Variants in ARID2 observed in about 807,000 individuals in gnomAD.
ARID2 encodes AT-rich interaction domain 2.
In ARID2, 32 loss-of-function variants were observed where a neutral mutation model predicts 184.6. The observed-to-expected ratio is 0.17, with a 90% CI of 0.13 to 0.23. ARID2 has a LOEUF of 0.23. ARID2 is among the 10% of genes least tolerant of loss of function. The probability of loss-of-function intolerance (pLI) is 1.00; values close to 1 mark genes in which losing one functional copy is unlikely to be tolerated. For missense variants in ARID2, 1,696 were observed against 2,197.6 expected, an observed-to-expected ratio of 0.77 and a Z score of 4.56; for synonymous variants, 836 against 772.6, an observed-to-expected ratio of 1.08 and a Z score of -1.36.
chr12:45,859,437 A>G (rs1216885065), intron 15 of ARID2, among the ~76,000 whole-genome samples: 1 of 152,230 alleles, frequency 6.6e-6, no homozygotes, highest in East Asian at 1.9e-4. Flanking sequence ...TTTCTCAAAC[A>G]TATTCCTGTC....
rs1592119288 is a variant in ARID2 at position 45,850,553 on chromosome 12, A to C, written c.2430A>C (p.Ala810=). The C allele has an allele frequency of 6.2e-7, 1 of 1,614,124 alleles. No individual in the cohort carries two copies. The highest frequency in any genetic ancestry group is 8.5e-7 in the Non-Finnish European group (1 of 1,180,006). Residue 810 remains alanine (A), a synonymous_variant, in exon 15 of 21, where the codon GCA becomes GCC. Coordinates refer to ENST00000334344, the MANE Select transcript of ARID2 (RefSeq NM_152641.4). ...TTGGCAGAGTACAGAACATACCAGCATGTACTTCTACAGTTTCACAGGGTC... is the reference window on the plus strand; with the variant it reads ...TTGGCAGAGTACAGAACATACCAGCCTGTACTTCTACAGTTTCACAGGGTC... The part of the protein sequence containing the change: ...HMFGRVQNIP[A]CTSTVSQGQQ...
At chr12:45,877,619 A>G (rs1223088268) in intron 16 of ARID2, among the ~76,000 whole-genome samples, 3 of 152,112 alleles carry the variant, frequency 2.0e-5, no homozygotes, top group Non-Finnish European at 4.4e-5. Flanking sequence ...GTCCATGGAA[A>G]AATTGTCTTC....
intron 3 of ARID2, among the ~76,000 whole-genome samples, chr12:45,774,755 G>C (rs901655846): frequency 1.3e-5 from 2 of 152,162 alleles, no homozygotes; most frequent in Admixed American, 6.5e-5. Context: ...CATACAAAAT[G>C]ATAATAATAG....
chr12:45,763,278 G>C (rs981822849), intron 3 of ARID2, among the ~76,000 whole-genome samples: 2 of 152,134 alleles, frequency 1.3e-5, no homozygotes, highest in Non-Finnish European at 2.9e-5. Flanking sequence ...AGGCCAGCCT[G>C]GCCAACATAG....
intron 3 of ARID2, among the ~76,000 whole-genome samples, chr12:45,810,958 C>T (rs1440291219): frequency 6.6e-6 from 1 of 151,692 alleles, no homozygotes; most frequent in Non-Finnish European, 1.5e-5. Flanking sequence ...GCCTGTAATC[C>T]CAGCACTTTG....
At chr12:45,823,001 A>T (rs1003968371) in intron 6 of ARID2, among the ~76,000 whole-genome samples, 2 of 152,192 alleles carry the variant, frequency 1.3e-5, no homozygotes, top group African/African-American at 2.4e-5. Flanking sequence ...ATTTTATCCA[A>T]CAACTGTAGA....
rs75833735 is a variant in ARID2 at position 45,907,292 on chromosome 12, A to T, written c.*2214A>T. ...TCTCTTTTAAAAAGTAAATTTGTGC[A>T]ACAACGTTTATTTGAAAGATAATGT... On this transcript the variant is annotated 3_prime_UTR_variant, in exon 21 of 21. Coordinates refer to ENST00000334344, the MANE Select transcript of ARID2 (RefSeq NM_152641.4). 3.4e-3 allele frequency: 787 copies of T among 233,032 alleles called. 5 individuals are homozygous for T. Among genetic ancestry groups the T allele is most frequent in the Non-Finnish European group, 5.2e-3 (613 of 117,880 alleles). The allele number at this position is 233,032 out of a possible 1,614,324, so 14.4% of individuals were successfully genotyped here. A position where few individuals can be genotyped will look rare whatever the true frequency, so the allele number is the denominator to read the frequency against.
At chr12:45,762,035 T>G (rs1324957582) in intron 3 of ARID2, among the ~76,000 whole-genome samples, 1 of 152,178 alleles carries the variant, frequency 6.6e-6, no homozygotes, top group Non-Finnish European at 1.5e-5. Flanking sequence ...AATATTTTCT[T>G]TCTCTTAACT....
rs1279634733 is a variant in ARID2 at position 45,863,641 on chromosome 12, C to G, written c.4922+2692C>G. On this transcript the variant is annotated intron_variant, in intron 16 of 20. Transcript: ENST00000334344. The stretch of plus-strand genomic sequence containing the variant: ...TTCTTTGTTTCCATCAGATTTAAAG[C>G]TAAAATTATTTTCTTTACCTATATA... Among the ~76,000 whole-genome samples the G allele has an allele frequency of 5.9e-5, 9 of 151,516 alleles. 1 individual carries two copies. In the East Asian group the frequency reaches 1.7e-3, roughly 29 times the overall value.
chr12:45,907,606 G>T lies in ARID2; in HGVS notation c.*2528G>T, dbSNP rs1944545386. On this transcript the variant is annotated 3_prime_UTR_variant, in exon 21 of 21. Coordinates refer to ENST00000334344, the MANE Select transcript of ARID2 (RefSeq NM_152641.4). ...CTATATAATAATATGGACTTGCTGT[G>T]TAATGGAATTAAAGTGCTTTTGCAC... is the stretch of plus-strand genomic sequence containing the variant. The T allele has an allele frequency of 4.3e-6, 1 of 233,144 alleles. No individual in the cohort carries two copies. The highest frequency in any genetic ancestry group is 8.5e-6 in the Non-Finnish European group (1 of 117,784). 14.4% of individuals were successfully genotyped at this position (233,144 alleles called of 1,614,324 possible). A position where few individuals can be genotyped will look rare whatever the true frequency, so the allele number is the denominator to read the frequency against.
chr12:45,780,277 A>G (rs192856689), intron 3 of ARID2, among the ~76,000 whole-genome samples: 2 of 152,338 alleles, frequency 1.3e-5, no homozygotes, highest in Admixed American at 6.5e-5. Context: ...TAAAATAACC[A>G]TAAACAAGTG....
Position 45,850,557 on chromosome 12 carries a change from A to T in ARID2, c.2434A>T (p.Thr812Ser), listed in dbSNP as rs774079605. The T allele has an allele frequency of 6.2e-7, 1 of 1,614,120 alleles. No individual in the cohort carries two copies. The highest frequency in any genetic ancestry group is 1.1e-5 in the South Asian group (1 of 91,090). ...FGRVQNIPAC[T>S]STVSQGQQLI... ...CAGAGTACAGAACATACCAGCATGT[A>T]CTTCTACAGTTTCACAGGGTCAACA... The change falls in exon 15 of 21, where the codon ACT (threonine) becomes TCT (serine). Residue 812 changes from threonine to serine, a missense_variant. By Grantham distance (58) the Thr-to-Ser change is moderately conservative. Coordinates refer to ENST00000334344, the MANE Select transcript of ARID2 (RefSeq NM_152641.4).
intron 16 of ARID2, among the ~76,000 whole-genome samples, chr12:45,871,702 A>T (rs1040574514): frequency 6.6e-6 from 1 of 151,990 alleles, no homozygotes; most frequent in African/African-American, 2.4e-5. Flanking sequence ...TCCTTCCTTT[A>T]ATTATTTGTT....
intron 3 of ARID2, among the ~76,000 whole-genome samples, chr12:45,806,918 C>G (rs1433929617): frequency 6.6e-6 from 1 of 152,140 alleles, no homozygotes; most frequent in African/African-American, 2.4e-5. Context: ...CTTGGAAAAC[C>G]AACTATTTCA....
chr12:45,830,024 A>G (rs1943083173), intron 6 of ARID2, among the ~76,000 whole-genome samples: 1 of 149,262 alleles, frequency 6.7e-6, no homozygotes, highest in African/African-American at 2.4e-5. Context: ...GTTTTTAATA[A>G]TTTTGAAGAT....
intron 6 of ARID2, among the ~76,000 whole-genome samples, chr12:45,828,635 A>G (rs1197142085): frequency 1.3e-5 from 2 of 152,040 alleles, no homozygotes; most frequent in Non-Finnish European, 2.9e-5. Context: ...TGGTATTGTC[A>G]GTCTCTTTCA....
chr12:45,768,541 A>G (rs562219922), intron 3 of ARID2, among the ~76,000 whole-genome samples: 141 of 152,304 alleles, frequency 9.3e-4, no homozygotes, highest in Middle Eastern at 3.4e-3. Flanking sequence ...CAGAGTTCTA[A>G]ATCTCTTTCT....
chr12:45,814,808 A>G (rs772607707), intron 4 of ARID2, among the ~76,000 whole-genome samples: 2 of 152,162 alleles, frequency 1.3e-5, no homozygotes, highest in Admixed American at 1.3e-4. Context: ...AATTCGCCAA[A>G]TGATTATAAT....
intron 3 of ARID2, among the ~76,000 whole-genome samples, chr12:45,781,501 G>A: frequency 6.7e-6 from 1 of 149,060 alleles, no homozygotes. Flanking sequence ...TTACTTGCTA[G>A]CCTTCCGGTA....
Sources: allele counts gnomAD v4.1 joint callset (sites outside exome capture counted in the v4.1 genomes callset), GRCh38; gene constraint gnomAD v4.1.1; transcripts MANE v1.5; gene names NCBI Gene and HGNC (gene_info 2026-07-23, HGNC 2026-07-21).